Variants in NUP214 observed in about 807,000 individuals in gnomAD.
The protein encoded by NUP214 is nuclear pore complex protein Nup214.
A neutral mutation model predicts 196.2 loss-of-function variants in NUP214; 79 were observed. The ratio of observed to expected loss-of-function variants is 0.40; its 90% CI spans 0.34 to 0.49. NUP214 has a LOEUF of 0.49. Ranked by LOEUF, NUP214 falls within the 20% of genes least tolerant of loss-of-function variation. NUP214 has a pLI of 0.58. For synonymous variants in NUP214, 1,020 were observed against 990.5 expected (o/e 1.03, Z -0.56); for missense variants, 2,468 against 2,539.0 (o/e 0.97, Z 0.60).
intron 32 of NUP214, among the ~76,000 whole-genome samples, chr9:131,227,788 C>T (rs945952964): frequency 2.3e-4 from 35 of 152,184 alleles, no homozygotes; most frequent in South Asian, 4.2e-4. Flanking sequence ...CCAAACAGCT[C>T]AGAGGACCTG....
At position 131,202,668 on chromosome 9, in the gene NUP214, T is replaced by C. The variant is rs531273526; in HGVS notation, c.5592+951T>C. The stretch of plus-strand genomic sequence containing the variant: ...CAGGCTGGTCTGGTCTCTTAACTCC[T>C]GAGCTCAGGGTGATCTGCCCGCCTT... On this transcript the variant is annotated intron_variant, in intron 30 of 35. Coordinates refer to ENST00000359428, the MANE Select transcript of NUP214 (RefSeq NM_005085.4). Among the ~76,000 whole-genome samples the C allele has an allele frequency of 5.3e-5, 8 of 152,208 alleles. No individual in the cohort carries two copies. In the South Asian group the frequency reaches 1.7e-3, roughly 32 times the overall value.
intron 23 of NUP214, among the ~76,000 whole-genome samples, chr9:131,176,782 T>C (rs2131004623): frequency 6.6e-6 from 1 of 152,324 alleles, no homozygotes; most frequent in Middle Eastern, 3.4e-3. Context: ...GATTTTACAG[T>C]CTGCGTAGTT....
chr9:131,152,100 A>G (rs922198709), intron 17 of NUP214, among the ~76,000 whole-genome samples: 8 of 151,460 alleles, frequency 5.3e-5, no homozygotes, highest in Admixed American at 1.3e-4. Context: ...CACTTAAAAC[A>G]TAGATTTTTT....
rs77040810 is a variant in NUP214, at chr9:131,227,842, C to T, written c.5903-318C>T. On this transcript the variant is annotated intron_variant, in intron 32 of 35. Transcript: ENST00000359428. ...CCGAGTGGGCTCTTGGAGGTCTGCT[C>T]ACACGGCTTCACAGTGACTTCACAG... Among the ~76,000 whole-genome samples the T allele has an allele frequency of 4.2e-3, 640 of 152,208 alleles. 16 individuals carry two copies. In the East Asian group the frequency reaches 0.065, roughly 15 times the overall value.
At chr9:131,152,117 TAC>T (rs1832287797) in intron 17 of NUP214, among the ~76,000 whole-genome samples, 1 of 152,166 alleles carries the variant, frequency 6.6e-6, no homozygotes. Flanking sequence ...TTTTTTAAAA[TAC>T]TTTTTTTCTT....
At chr9:131,206,259 C>T (rs1834084230) in intron 30 of NUP214, among the ~76,000 whole-genome samples, 1 of 149,772 alleles carries the variant, frequency 6.7e-6, no homozygotes, top group African/African-American at 2.5e-5. Flanking sequence ...GATTCTCCTG[C>T]CTTAGCTACC....
chr9:131,150,425 T>C lies in NUP214; in HGVS notation c.2127+15T>C, dbSNP rs1394615712. 2.5e-6 allele frequency: 4 copies of C among 1,613,438 alleles called. No individual in the cohort carries two copies. The highest frequency in any genetic ancestry group is 1.3e-5 in the African/African-American group (1 of 74,932). ...TTGGGGAGGAGGTAAATTTGTTTCC[T>C]GAGGGTGTTTTTCTGAAAGTAGCTG... On this transcript the variant is annotated intron_variant, in intron 15 of 35. Transcript: ENST00000359428.
chr9:131,190,660 C>A, intron 26 of NUP214: 5 of 515,698 alleles, frequency 9.7e-6, no homozygotes, highest in South Asian at 8.2e-5. Context: ...AAAACTATTA[C>A]ATGCCCAGAA....
intron 9 of NUP214, among the ~76,000 whole-genome samples, chr9:131,138,516 C>A (rs1400424637): frequency 6.6e-6 from 1 of 152,210 alleles, no homozygotes; most frequent in Non-Finnish European, 1.5e-5. Context: ...CTACATCCAG[C>A]CTGTTTTTCT....
intron 24 of NUP214, among the ~76,000 whole-genome samples, chr9:131,184,670 C>T (rs967389054): frequency 1.3e-5 from 2 of 152,096 alleles, no homozygotes; most frequent in Non-Finnish European, 2.9e-5. Context: ...TTTTTCAAAG[C>T]TCTAATGCAA....
At chr9:131,176,201 G>C (rs76792100) in intron 23 of NUP214, among the ~76,000 whole-genome samples, 3,998 of 152,192 alleles carry the variant, frequency 0.026, 133 homozygotes, top group African/African-American at 0.083. Context: ...TTTTGTGTTT[G>C]AGTAATCTGA....
intron 21 of NUP214, chr9:131,167,492 T>C (rs949657971): frequency 3.9e-5 from 6 of 152,236 alleles, no homozygotes; most frequent in Non-Finnish European, 7.3e-5. Flanking sequence ...TTTGGTTACA[T>C]AGCTAGGAGT....
At chr9:131,211,715 T>C (rs1371362319) in intron 30 of NUP214, among the ~76,000 whole-genome samples, 1 of 152,256 alleles carries the variant, frequency 6.6e-6, no homozygotes, top group Non-Finnish European at 1.5e-5. Context: ...GTTTATCACT[T>C]CCCTGATCAG....
At position 131,187,278 on chromosome 9, in the gene NUP214, G is replaced by A; in HGVS notation, c.3420-11G>A. 2 of 1,611,914 alleles carry A rather than the reference G, an allele frequency of 1.2e-6. No homozygotes were observed. Among genetic ancestry groups the A allele is most frequent in the Non-Finnish European group, 1.7e-6 (2 of 1,178,548 alleles). On this transcript the variant is annotated splice_polypyrimidine_tract_variant and intron_variant, in intron 24 of 35. Transcript: ENST00000359428. Reference sequence around the variant, plus strand: ...GCCTTTCTCTGAGTGTATGCTTTGTGTGTTTTTCAGTTCTTCAGTGCCCTA... The same window carrying A: ...GCCTTTCTCTGAGTGTATGCTTTGTATGTTTTTCAGTTCTTCAGTGCCCTA...
chr9:131,211,186 C>T (rs563710181), intron 30 of NUP214, among the ~76,000 whole-genome samples: 193 of 152,172 alleles, frequency 1.3e-3, no homozygotes, highest in Non-Finnish European at 1.9e-3. Flanking sequence ...TTTAATAAAA[C>T]GGTATAATTT....
intron 2 of NUP214, 100 bp from the exon 3 acceptor site, chr9:131,128,232 T>C: frequency 9.7e-7 from 1 of 1,029,590 alleles, no homozygotes; most frequent in Non-Finnish European, 1.4e-6. Context: ...TATGTGTGTT[T>C]ATGTAGATGC....
intron 21 of NUP214, among the ~76,000 whole-genome samples, chr9:131,169,056 C>T (rs1832876174): frequency 8.9e-6 from 1 of 112,660 alleles, no homozygotes; most frequent in Non-Finnish European, 1.7e-5. Context: ...TTTTTGGAGA[C>T]AGAATCTCGC....
At chr9:131,159,306 C>G in intron 17 of NUP214, 77 bp from the exon 18 acceptor site, 1 of 957,194 alleles carries the variant, frequency 1.0e-6, no homozygotes, top group Non-Finnish European at 1.6e-6. Context: ...TTTTAGAATT[C>G]TTTTGACTGT....
chr9:131,135,644 C>G (rs1168555204), intron 8 of NUP214, among the ~76,000 whole-genome samples: 1 of 152,244 alleles, frequency 6.6e-6, no homozygotes, highest in Non-Finnish European at 1.5e-5. Context: ...ATCCCTCTAG[C>G]TACATTATTC....
Sources: gnomAD v4.1 joint callset for allele counts (sites outside exome capture counted in the v4.1 genomes callset) on GRCh38, gnomAD v4.1.1 for gene constraint, MANE v1.5 for transcripts, NCBI Gene and HGNC (gene_info 2026-07-23, HGNC 2026-07-21) for gene names.